The following ARAP2 variants were observed in gnomAD, a reference collection of about 807,000 sequenced individuals.
ARAP2 encodes ArfGAP with RhoGAP domain, ankyrin repeat and PH domain 2, also known as arf-GAP with Rho-GAP domain, ANK repeat and PH domain-containing protein 2.
Under a neutral mutation model 194.5 loss-of-function variants are expected in ARAP2, and 148 were observed. That is an observed-to-expected ratio of 0.76 (90% CI 0.67 to 0.87). The LOEUF (loss-of-function observed/expected upper bound fraction) is 0.87. Ranked by LOEUF, ARAP2 falls within the 40% of genes least tolerant of loss-of-function variation. The pLI is 0.00. For missense variants in ARAP2, 2,128 were observed against 1,989.7 expected, an observed-to-expected ratio of 1.07 and a Z score of -1.32; for synonymous variants, 695 against 683.5, an observed-to-expected ratio of 1.02 and a Z score of -0.26.
intron 21 of ARAP2, among the ~76,000 whole-genome samples, chr4:36,128,096 T>C (rs1035343385): frequency 6.6e-6 from 1 of 151,956 alleles, no homozygotes; most frequent in Non-Finnish European, 1.5e-5. Flanking sequence ...TTAAAAAAAT[T>C]GTTATATACA....
chr4:36,054,147 G>A (rs2109257588), intron 2 of ARAP2, among the ~76,000 whole-genome samples: 1 of 152,250 alleles, frequency 6.6e-6, no homozygotes, highest in East Asian at 1.9e-4. Context: ...CACTATAACT[G>A]CTGGAATGTA....
At chr4:36,159,125 A>T (rs924693560) in intron 14 of ARAP2, among the ~76,000 whole-genome samples, 4 of 152,364 alleles carry the variant, frequency 2.6e-5, no homozygotes, top group Middle Eastern at 3.4e-3. Flanking sequence ...TTACATTTAT[A>T]AGATTACGGG....
downstream of ARAP2, among the ~76,000 whole-genome samples, chr4:36,061,175 G>C (rs984925742): frequency 1.3e-5 from 2 of 152,082 alleles, no homozygotes; most frequent in Non-Finnish European, 2.9e-5. Flanking sequence ...CATGAAAAAT[G>C]GGTTATCCAT....
chr4:36,235,729 A>G (rs1230267942), intron 1 of ARAP2, among the ~76,000 whole-genome samples: 1 of 152,250 alleles, frequency 6.6e-6, no homozygotes, highest in Non-Finnish European at 1.5e-5. Flanking sequence ...CTAAGTAACC[A>G]AGCTAGTATG....
intron 20 of ARAP2, among the ~76,000 whole-genome samples, chr4:36,132,010 G>A (rs376249051): frequency 3.3e-5 from 5 of 151,628 alleles, no homozygotes; most frequent in African/African-American, 1.2e-4. Context: ...ATTAATAATT[G>A]CACTTGAATT....
At chr4:36,070,942 C>G (rs1475076940) in intron 32 of ARAP2, among the ~76,000 whole-genome samples, 6 of 152,056 alleles carry the variant, frequency 3.9e-5, no homozygotes, top group African/African-American at 1.2e-4. Context: ...GGAGGGGACC[C>G]CAGCTTGGCC....
At chr4:36,021,177 T>G (rs1242045544) in intron 5 of ARAP2, among the ~76,000 whole-genome samples, 3 of 152,222 alleles carry the variant, frequency 2.0e-5, no homozygotes, top group Non-Finnish European at 1.5e-5. Flanking sequence ...ATCATCCAGG[T>G]GCATATGAGT....
chr4:36,183,297 T>A (rs80132875), intron 8 of ARAP2, among the ~76,000 whole-genome samples: 4 of 150,432 alleles, frequency 2.7e-5, no homozygotes, highest in Non-Finnish European at 4.4e-5. Flanking sequence ...TTTTTTTAAT[T>A]AAAAAAAAAG....
chr4:36,044,940 T>TA (rs951263670), intron 5 of ARAP2, among the ~76,000 whole-genome samples: 3 of 151,306 alleles, frequency 2.0e-5, no homozygotes, highest in South Asian at 2.1e-4. Context: ...ACAATAATAT[T>TA]AAAAAAAAGT....
chr4:36,043,517 CT>C (rs1721220630), intron 5 of ARAP2, among the ~76,000 whole-genome samples: 2 of 152,176 alleles, frequency 1.3e-5, no homozygotes, highest in South Asian at 4.1e-4. Context: ...AAAACATTTT[CT>C]AAATTTATAA....
At chr4:36,200,179 T>C (rs1231018511) in intron 6 of ARAP2, among the ~76,000 whole-genome samples, 1 of 152,186 alleles carries the variant, frequency 6.6e-6, no homozygotes, top group African/African-American at 2.4e-5. Context: ...TGAATTCCAA[T>C]AATTAGTTAA....
At chr4:36,043,837 AGGGGAGGG>A (rs1721322674) in intron 5 of ARAP2, among the ~76,000 whole-genome samples, 1 of 53,918 alleles carries the variant, frequency 1.9e-5, no homozygotes, top group African/African-American at 6.7e-5. Context: ...AGGGGAGGGG[AGGGGAGGG>A]GGGAGGGGAG....
At chr4:36,145,070 G>A (rs1277552892) in intron 19 of ARAP2, among the ~76,000 whole-genome samples, 1 of 151,522 alleles carries the variant, frequency 6.6e-6, no homozygotes, top group Non-Finnish European at 1.5e-5. Flanking sequence ...CAAATTACAA[G>A]AAGCCAAGGG....
At chr4:36,111,545 G>T (rs1577925179) in intron 26 of ARAP2, among the ~76,000 whole-genome samples, 1 of 151,824 alleles carries the variant, frequency 6.6e-6, no homozygotes, top group South Asian at 2.1e-4. Flanking sequence ...TTTATACATT[G>T]ACACATTCAC....
chr4:36,114,098 T>C lies in ARAP2; in HGVS notation c.4156+72A>G, dbSNP rs556454832. The stretch of plus-strand genomic sequence containing the variant: ...AAGATGTTAAGACATAAAATGTTTA[T>C]AAAGTCTTGTCTTAAAGAGTACTTT... On this transcript the variant is annotated intron_variant, in intron 26 of 32. Transcript: ENST00000303965. 2.7e-5 allele frequency: 28 copies of C among 1,049,896 alleles called. No individual in the cohort carries two copies. In the African/African-American group the frequency reaches 3.9e-4, roughly 15 times the overall value. 65.0% of individuals were successfully genotyped at this position (1,049,896 alleles called of 1,614,324 possible). A position where few individuals can be genotyped will look rare whatever the true frequency, so the allele number is the denominator to read the frequency against.
Position 36,229,257 on chromosome 4 carries a change from T to C in ARAP2, c.230A>G (p.Tyr77Cys). The C allele has an allele frequency of 1.2e-6, 2 of 1,614,050 alleles. No homozygotes were observed. The highest frequency in any genetic ancestry group is 1.7e-6 in the Non-Finnish European group (2 of 1,179,936). The change falls in exon 2 of 33, where the codon TAT becomes TGT. Residue 77 changes from tyrosine (Y) to cysteine (C), a missense_variant. Coordinates refer to ENST00000303965, the MANE Select transcript of ARAP2 (RefSeq NM_015230.4). ...CTTCTTAGTTTTATGAACATTTGCA[T>C]ATATTGGAATATCTTGCATTTTTGA... ...ILSKMQDIPI[Y>C]ANVHKTKKND...
intron 19 of ARAP2, among the ~76,000 whole-genome samples, chr4:36,136,866 GA>G (rs1726910671): frequency 6.8e-6 from 1 of 147,002 alleles, no homozygotes; most frequent in Non-Finnish European, 1.5e-5. Context: ...TCACAAAACA[GA>G]ATTTCCTGAG....
chr4:36,210,310 G>A, intron 6 of ARAP2, 80 bp downstream of exon 6: 3 of 1,330,862 alleles, frequency 2.3e-6, no homozygotes, highest in South Asian at 3.1e-5. Context: ...TGGGGGAACA[G>A]CAACCCTGGA....
intron 5 of ARAP2, among the ~76,000 whole-genome samples, chr4:36,211,209 A>G (rs1266664580): frequency 6.6e-6 from 1 of 152,124 alleles, no homozygotes; most frequent in East Asian, 1.9e-4. Context: ...TTTCACCACA[A>G]TGCAATAAAA....
Sources: allele counts gnomAD v4.1 joint callset (sites outside exome capture counted in the v4.1 genomes callset), GRCh38; gene constraint gnomAD v4.1.1; transcripts MANE v1.5; gene names NCBI Gene and HGNC (gene_info 2026-07-23, HGNC 2026-07-21).